Variants in MMP20 observed in about 807,000 individuals in gnomAD.
The protein encoded by MMP20 is matrix metalloproteinase-20.
A neutral mutation model predicts 51.8 loss-of-function variants in MMP20; 50 were observed. That is an observed-to-expected ratio of 0.97 (90% confidence interval 0.77 to 1.22). The LOEUF (loss-of-function observed/expected upper bound fraction) is 1.22, where lower values mean the gene tolerates loss of function less well. MMP20 is among the 50% of genes most tolerant of loss of function. MMP20 has a pLI of 0.00. For missense variants in MMP20, 663 were observed against 601.4 expected, an observed-to-expected ratio of 1.10 and a Z score of -1.07; for synonymous variants, 244 against 216.2, an observed-to-expected ratio of 1.13 and a Z score of -1.13.
chr11:102,579,155 T>G lies in MMP20; in HGVS notation c.1248-13A>C, dbSNP rs1859164116. On this transcript the variant is annotated splice_polypyrimidine_tract_variant and intron_variant, in intron 8 of 9. Coordinates refer to ENST00000260228, the MANE Select transcript of MMP20 (RefSeq NM_004771.4). Reference sequence around the variant, plus strand: ...CCTTTCGTCGTAGCTAGAAAAAGTATTATTTCATAAATAATATTACTAAGA... The same window carrying G: ...CCTTTCGTCGTAGCTAGAAAAAGTAGTATTTCATAAATAATATTACTAAGA... 1.3e-6 allele frequency: 2 copies of G among 1,570,084 alleles called. No homozygotes were observed.
chr11:102,596,597 G>T (rs752676400), intron 6 of MMP20, among the ~76,000 whole-genome samples: 4 of 152,150 alleles, frequency 2.6e-5, no homozygotes, highest in Non-Finnish European at 2.9e-5. Context: ...CAATACACAA[G>T]CCCCAAACAT....
chr11:102,606,891 C>A, intron 5 of MMP20: 1 of 568,422 alleles, frequency 1.8e-6, no homozygotes, highest in Non-Finnish European at 3.2e-6. Context: ...CCTCAGCTTC[C>A]TCACTTGTTA....
chr11:102,617,087 C>T, intron 1 of MMP20, 28 bp from the exon 2 acceptor site: 1 of 1,613,994 alleles, frequency 6.2e-7, no homozygotes. Context: ...GCTGACGCGT[C>T]TACAGCGTAG....
intron 3 of MMP20, among the ~76,000 whole-genome samples, chr11:102,610,827 C>T (rs901042711): frequency 2.0e-5 from 3 of 151,642 alleles, no homozygotes; most frequent in Non-Finnish European, 4.4e-5. Context: ...CAGTGAAATG[C>T]AGTCTACTCA....
chr11:102,610,561 C>T (rs1859585087), intron 3 of MMP20, among the ~76,000 whole-genome samples: 1 of 152,112 alleles, frequency 6.6e-6, no homozygotes, highest in Non-Finnish European at 1.5e-5. Context: ...TTTTGACATA[C>T]TTTCATGTGG....
At chr11:102,598,801 C>T (rs1487005825) in intron 6 of MMP20, among the ~76,000 whole-genome samples, 1 of 152,074 alleles carries the variant, frequency 6.6e-6, no homozygotes, top group African/African-American at 2.4e-5. Context: ...TTTTGTTTTA[C>T]CCAGTCATCA....
At chr11:102,621,468 T>C (rs1405129715) in intron 1 of MMP20, among the ~76,000 whole-genome samples, 1 of 152,246 alleles carries the variant, frequency 6.6e-6, no homozygotes, top group African/African-American at 2.4e-5. Flanking sequence ...GTTTCAGTTT[T>C]CTCATCTATA....
intron 3 of MMP20, among the ~76,000 whole-genome samples, chr11:102,610,368 G>A (rs1044760557): frequency 1.3e-5 from 2 of 151,968 alleles, no homozygotes; most frequent in South Asian, 2.1e-4. Context: ...GGGGCGGGGC[G>A]GGGCGGCGGG....
At chr11:102,616,591 A>C (rs1054003664) in intron 2 of MMP20, among the ~76,000 whole-genome samples, 1 of 152,280 alleles carries the variant, frequency 6.6e-6, no homozygotes, top group Admixed American at 6.5e-5. Context: ...AATTGTTTGG[A>C]ATGCCTAAAA....
intron 6 of MMP20, among the ~76,000 whole-genome samples, chr11:102,598,047 G>A (rs2012837): frequency 0.51 from 77,748 of 151,482 alleles, 20,437 homozygotes; most frequent in South Asian, 0.67. Context: ...GATTACAGGC[G>A]TAGACACCAT....
rs552094983 is a variant in MMP20, at chr11:102,610,460, G to T, written c.524-430C>A. The stretch of plus-strand genomic sequence containing the variant: ...AGAATGACCTTTCAAATTTGATTCA[G>T]CTGAGACAGTGATAGTGAATTGAAC... On this transcript the variant is annotated intron_variant, in intron 3 of 9. Coordinates refer to ENST00000260228, the MANE Select transcript of MMP20 (RefSeq NM_004771.4). Among the ~76,000 whole-genome samples the T allele has an allele frequency of 3.2e-3, 482 of 152,218 alleles. 1 individual carries two copies. Among genetic ancestry groups the T allele is most frequent in the African/African-American group, 0.011 (464 of 41,530 alleles).
At chr11:102,622,061 G>A (rs1261060434) in intron 1 of MMP20, among the ~76,000 whole-genome samples, 3 of 152,126 alleles carry the variant, frequency 2.0e-5, no homozygotes, top group Admixed American at 1.3e-4. Context: ...GAATAGGTAA[G>A]CATTTTGCCA....
intron 6 of MMP20, among the ~76,000 whole-genome samples, chr11:102,602,489 T>A (rs1235274976): frequency 6.6e-6 from 1 of 152,174 alleles, no homozygotes; most frequent in African/African-American, 2.4e-5. Context: ...AAGGAACAGC[T>A]CGGAAGTGCT....
At chr11:102,602,654 A>AT (rs1341163231) in intron 6 of MMP20, among the ~76,000 whole-genome samples, 1 of 152,190 alleles carries the variant, frequency 6.6e-6, no homozygotes, top group African/African-American at 2.4e-5. Flanking sequence ...TCTGGGTCTC[A>AT]TGGGAGGGTC....
intron 8 of MMP20, 100 bp from the exon 9 acceptor site, chr11:102,579,242 G>GGT: frequency 1.4e-6 from 1 of 736,566 alleles, no homozygotes; most frequent in East Asian, 2.7e-5. Context: ...AACTTATTTA[G>GGT]GTGTTCCTCT....
chr11:102,592,228 A>T (rs1355302850), intron 8 of MMP20, among the ~76,000 whole-genome samples: 1 of 152,210 alleles, frequency 6.6e-6, no homozygotes, highest in East Asian at 1.9e-4. Context: ...TTAATAAGTG[A>T]ATTCCTGTCA....
intron 6 of MMP20, among the ~76,000 whole-genome samples, chr11:102,599,994 G>A (rs1042850548): frequency 6.6e-6 from 1 of 152,144 alleles, no homozygotes; most frequent in African/African-American, 2.4e-5. Context: ...ACATGTAAAG[G>A]GCCCCTCCTC....
At chr11:102,617,123 A>G (rs1859684407) in intron 1 of MMP20, 64 bp from the exon 2 acceptor site, 1 of 1,593,842 alleles carries the variant, frequency 6.3e-7, no homozygotes, top group Non-Finnish European at 8.6e-7. Flanking sequence ...TGCTCAGGTA[A>G]GGCAGGGGAC....
intron 8 of MMP20, among the ~76,000 whole-genome samples, chr11:102,585,243 A>G (rs1859241611): frequency 6.6e-6 from 1 of 152,190 alleles, no homozygotes; most frequent in Non-Finnish European, 1.5e-5. Flanking sequence ...AACATGAGAT[A>G]TCACTCCATT....
Sources: gnomAD v4.1 joint callset for allele counts (sites outside exome capture counted in the v4.1 genomes callset) on GRCh38, gnomAD v4.1.1 for gene constraint, MANE v1.5 for transcripts, NCBI Gene and HGNC (gene_info 2026-07-23, HGNC 2026-07-21) for gene names.